DLGAP1: variants seen among roughly 807,000 people sequenced by gnomAD.
DLGAP1 encodes DLG associated protein 1.
A neutral mutation model predicts 90.8 loss-of-function variants in DLGAP1; 11 were observed. That is an observed-to-expected ratio of 0.12 (90% CI 0.08 to 0.20). The LOEUF is 0.20. Ranked by LOEUF, DLGAP1 falls within the 10% of genes least tolerant of loss-of-function variation. The probability of loss-of-function intolerance (pLI) is 1.00; values close to 1 mark genes in which losing one functional copy is unlikely to be tolerated. For synonymous variants in DLGAP1, 558 were observed against 540.7 expected, an observed-to-expected ratio of 1.03 and a Z score of -0.44; for missense variants, 1,050 against 1,333.8, an observed-to-expected ratio of 0.79 and a Z score of 3.31.
At chr18:3,969,090 TAAC>T (rs1488271615) in intron 3 of DLGAP1, among the ~76,000 whole-genome samples, 1 of 152,154 alleles carries the variant, frequency 6.6e-6, no homozygotes, top group Admixed American at 6.5e-5. Flanking sequence ...CTATTTTCCT[TAAC>T]AATATTCAAA....
chr18:4,269,454 C>T (rs1369291860), intron 1 of DLGAP1, among the ~76,000 whole-genome samples: 6 of 151,184 alleles, frequency 4.0e-5, no homozygotes, highest in Admixed American at 6.6e-5. Context: ...GCCGGGCTCA[C>T]GCCATTCTCC....
intron 3 of DLGAP1, among the ~76,000 whole-genome samples, chr18:3,947,151 A>G (rs900233239): frequency 4.6e-5 from 7 of 152,130 alleles, no homozygotes; most frequent in African/African-American, 1.4e-4. Context: ...GCCTACACAC[A>G]TTGGGTTGGG....
In DLGAP1 at chr18:4,045,513, C is replaced by T. The variant is rs1012888732; in HGVS notation, c.-158-40312G>A. Among the ~76,000 whole-genome samples the T allele has an allele frequency of 1.4e-4, 19 of 138,890 alleles. 3 individuals are homozygous for T. The highest frequency in any genetic ancestry group is 9.1e-5 in the Non-Finnish European group (6 of 65,870). The allele number at this position is 138,890 out of a possible 152,430, so 91.1% of individuals were successfully genotyped here. On this transcript the variant is annotated intron_variant, in intron 2 of 12. Coordinates refer to ENST00000315677, the MANE Select transcript of DLGAP1 (RefSeq NM_004746.4). Reference sequence around the variant, plus strand: ...ACTTGGGAGGGTGAGGCGGACGGATCGCTTGAGCCTGGGAGGTTGAGGCTG... The same window carrying T: ...ACTTGGGAGGGTGAGGCGGACGGATTGCTTGAGCCTGGGAGGTTGAGGCTG...
intron 7 of DLGAP1, among the ~76,000 whole-genome samples, chr18:3,605,110 G>A (rs1004118793): frequency 1.3e-5 from 2 of 152,172 alleles, no homozygotes; most frequent in African/African-American, 4.8e-5. Context: ...CTCAGGATAA[G>A]AGTTCCTATT....
chr18:3,714,108 T>C (rs1222063936), intron 7 of DLGAP1, among the ~76,000 whole-genome samples: 1 of 152,238 alleles, frequency 6.6e-6, no homozygotes, highest in Non-Finnish European at 1.5e-5. Flanking sequence ...CACAAGTTTC[T>C]TAATCCCCTT....
At chr18:4,144,518 C>T (rs1301500673) in intron 2 of DLGAP1, among the ~76,000 whole-genome samples, 1 of 152,228 alleles carries the variant, frequency 6.6e-6, no homozygotes, top group Admixed American at 6.5e-5. Flanking sequence ...CAATTCAACA[C>T]TGTTTTTCAG....
chr18:4,066,988 T>G (rs1230767256), intron 2 of DLGAP1, among the ~76,000 whole-genome samples: 3 of 152,148 alleles, frequency 2.0e-5, no homozygotes, highest in Non-Finnish European at 4.4e-5. Context: ...TGGAATACTA[T>G]GCAGCCATAC....
chr18:3,848,127 CAAAAAAAAAAA>C (rs3862177), intron 4 of DLGAP1, among the ~76,000 whole-genome samples: 3 of 32,076 alleles, frequency 9.4e-5, no homozygotes, highest in African/African-American at 5.1e-4. Context: ...GGCCCCGTCT[CAAAAAAAAAAA>C]AAAAAAAAAA....
intron 2 of DLGAP1, among the ~76,000 whole-genome samples, chr18:4,080,965 T>C (rs2075598883): frequency 6.6e-6 from 1 of 150,886 alleles, no homozygotes; most frequent in Non-Finnish European, 1.5e-5. Flanking sequence ...CTTGGCTCAC[T>C]GCAACCTCCG....
intron 1 of DLGAP1, among the ~76,000 whole-genome samples, chr18:4,388,084 G>A (rs2082271794): frequency 6.6e-6 from 1 of 152,058 alleles, no homozygotes; most frequent in African/African-American, 2.4e-5. Flanking sequence ...GCAGTGTGGA[G>A]GACGGAGTGG....
intron 3 of DLGAP1, among the ~76,000 whole-genome samples, chr18:3,942,403 A>G (rs542331860): frequency 1.3e-5 from 2 of 152,210 alleles, no homozygotes; most frequent in African/African-American, 4.8e-5. Flanking sequence ...CCACCTCTGT[A>G]TTACAGGACC....
At chr18:3,636,070 A>G (rs2058703219) in intron 7 of DLGAP1, among the ~76,000 whole-genome samples, 2 of 151,216 alleles carry the variant, frequency 1.3e-5, no homozygotes, top group African/African-American at 2.4e-5. Context: ...CTCTCCCCAC[A>G]TACCTTTCGC....
At chr18:4,246,492 A>G (rs2078655187) in intron 1 of DLGAP1, among the ~76,000 whole-genome samples, 1 of 152,234 alleles carries the variant, frequency 6.6e-6, no homozygotes, top group Non-Finnish European at 1.5e-5. Context: ...AGAACTCAGC[A>G]GGGAACAGAA....
At chr18:4,435,598 TA>T (rs1274688614) in intron 1 of DLGAP1, among the ~76,000 whole-genome samples, 1 of 152,180 alleles carries the variant, frequency 6.6e-6, no homozygotes, top group Admixed American at 6.5e-5. Context: ...GGCACTGATG[TA>T]AAATCACCAT....
At chr18:4,388,486 T>A (rs501658) in intron 1 of DLGAP1, among the ~76,000 whole-genome samples, 77,388 of 151,804 alleles carry the variant, frequency 0.51, 21,696 homozygotes, top group East Asian at 0.68. Flanking sequence ...CGGGAAAGGG[T>A]GAGCTTGCCT....
intron 1 of DLGAP1, among the ~76,000 whole-genome samples, chr18:4,262,271 A>G (rs1031292002): frequency 6.6e-6 from 1 of 152,200 alleles, no homozygotes; most frequent in African/African-American, 2.4e-5. Context: ...CACTTCTTCT[A>G]TCTAATTCCC....
chr18:3,851,798 A>G (rs1451672870), intron 4 of DLGAP1, among the ~76,000 whole-genome samples: 1 of 152,200 alleles, frequency 6.6e-6, no homozygotes, highest in Non-Finnish European at 1.5e-5. Context: ...TATTAATTAA[A>G]CCAATAATTA....
intron 1 of DLGAP1, among the ~76,000 whole-genome samples, chr18:4,191,350 G>A (rs1032310962): frequency 6.6e-6 from 1 of 152,024 alleles, no homozygotes; most frequent in South Asian, 2.1e-4. Context: ...TTTACATAGA[G>A]CCTAAATACT....
At chr18:4,155,715 G>A (rs2076744861) in intron 1 of DLGAP1, among the ~76,000 whole-genome samples, 1 of 152,136 alleles carries the variant, frequency 6.6e-6, no homozygotes, top group Non-Finnish European at 1.5e-5. Flanking sequence ...TAAACATGGT[G>A]GGCTGGTGGG....
Sources: gnomAD v4.1 joint callset for allele counts (sites outside exome capture counted in the v4.1 genomes callset) on GRCh38, gnomAD v4.1.1 for gene constraint, MANE v1.5 for transcripts, NCBI Gene and HGNC (gene_info 2026-07-23, HGNC 2026-07-21) for gene names.